MDGA2: variants seen among roughly 807,000 people sequenced by gnomAD.
MDGA2 encodes MAM domain-containing glycosylphosphatidylinositol anchor protein 2.
In MDGA2, 40 loss-of-function variants were observed where a neutral mutation model predicts 117.8. The observed-to-expected ratio is 0.34, with a 90% CI of 0.26 to 0.44. The LOEUF is 0.44. MDGA2 is among the 20% of genes least tolerant of loss of function. The probability of loss-of-function intolerance (pLI) is 1.00; values close to 1 mark genes in which losing one functional copy is unlikely to be tolerated. For synonymous variants in MDGA2, 452 were observed against 439.0 expected (o/e 1.03, Z -0.37); for missense variants, 1,123 against 1,250.6 (o/e 0.90, Z 1.54).
intron 1 of MDGA2, among the ~76,000 whole-genome samples, chr14:47,457,784 T>C (rs1448836024): frequency 1.3e-5 from 2 of 150,994 alleles, no homozygotes. Context: ...ATGATTTTCC[T>C]TCTCAGGCCA....
intron 3 of MDGA2, among the ~76,000 whole-genome samples, chr14:47,173,179 T>G (rs1057125444): frequency 3.3e-5 from 5 of 152,228 alleles, no homozygotes; most frequent in Non-Finnish European, 7.3e-5. Context: ...CTGATTGGTG[T>G]ACGTGAAAGT....
At chr14:47,035,904 C>T (rs1002126294) in intron 7 of MDGA2, among the ~76,000 whole-genome samples, 6 of 151,696 alleles carry the variant, frequency 4.0e-5, no homozygotes, top group Admixed American at 6.6e-5. Context: ...AAATAGTTTG[C>T]CATAATATTG....
intron 1 of MDGA2, among the ~76,000 whole-genome samples, chr14:47,343,490 T>C (rs1017862267): frequency 2.0e-5 from 3 of 152,210 alleles, no homozygotes; most frequent in Non-Finnish European, 4.4e-5. Context: ...ATTCATTTTG[T>C]CATTTTTCCC....
At chr14:47,626,252 A>G (rs1019236318) in intron 1 of MDGA2, 1 of 152,300 alleles carries the variant, frequency 6.6e-6, no homozygotes, top group Non-Finnish European at 1.5e-5. Flanking sequence ...ATATCATTAA[A>G]AACAGTCAAT....
chr14:46,923,657 T>G (rs1884217473), intron 9 of MDGA2, among the ~76,000 whole-genome samples: 1 of 149,436 alleles, frequency 6.7e-6, no homozygotes, highest in Non-Finnish European at 1.5e-5. Flanking sequence ...TACTTTCTAC[T>G]GAGCCTACTG....
At chr14:47,326,686 TAC>T (rs34047797) in intron 1 of MDGA2, among the ~76,000 whole-genome samples, 106 of 148,346 alleles carry the variant, frequency 7.1e-4, no homozygotes, top group Non-Finnish European at 1.1e-3. Flanking sequence ...TAAGATAGTA[TAC>T]ACACACACAC....
intron 11 of MDGA2, among the ~76,000 whole-genome samples, chr14:46,879,012 A>G (rs1181064757): frequency 6.6e-6 from 1 of 152,074 alleles, no homozygotes; most frequent in African/African-American, 2.4e-5. Flanking sequence ...TTCTTCTTTC[A>G]TTTGAACTTG....
At chr14:47,292,426 G>A (rs550061235) in intron 2 of MDGA2, among the ~76,000 whole-genome samples, 14 of 152,194 alleles carry the variant, frequency 9.2e-5, no homozygotes, top group African/African-American at 2.2e-4. Context: ...GGAAATAACC[G>A]TAGATCAATC....
chr14:47,521,672 TTTTTTA>T (rs1894870326), intron 1 of MDGA2, among the ~76,000 whole-genome samples: 6 of 152,148 alleles, frequency 3.9e-5, no homozygotes, highest in Admixed American at 3.3e-4. Context: ...CGCATGTTTG[TTTTTTA>T]TTTTTATTTT....
intron 3 of MDGA2, among the ~76,000 whole-genome samples, chr14:47,181,494 G>A (rs752446206): frequency 6.6e-6 from 1 of 152,222 alleles, no homozygotes; most frequent in Non-Finnish European, 1.5e-5. Context: ...GATGAGGCTG[G>A]AAGCCATCAT....
At chr14:47,027,056 C>T (rs1340584289) in intron 8 of MDGA2, among the ~76,000 whole-genome samples, 1 of 151,682 alleles carries the variant, frequency 6.6e-6, no homozygotes, top group East Asian at 1.9e-4. Context: ...ACCTGTAATC[C>T]CAGCTACTTG....
intron 8 of MDGA2, among the ~76,000 whole-genome samples, chr14:47,031,455 A>G (rs546857326): frequency 6.6e-6 from 1 of 152,290 alleles, no homozygotes; most frequent in East Asian, 1.9e-4. Flanking sequence ...AGATGAAATT[A>G]TACATAAATA....
chr14:47,294,365 TG>T (rs1468532861), intron 2 of MDGA2, among the ~76,000 whole-genome samples: 1 of 152,132 alleles, frequency 6.6e-6, no homozygotes, highest in Non-Finnish European at 1.5e-5. Flanking sequence ...CCCAAAGTCC[TG>T]GGATTACATG....
chr14:47,342,270 AT>A (rs1255892025), intron 1 of MDGA2, among the ~76,000 whole-genome samples: 6 of 142,348 alleles, frequency 4.2e-5, no homozygotes, highest in Non-Finnish European at 9.3e-5. Flanking sequence ...ATATATATAT[AT>A]ATATATATAT....
intron 1 of MDGA2, among the ~76,000 whole-genome samples, chr14:47,429,599 C>A (rs1324792766): frequency 1.3e-5 from 2 of 152,106 alleles, no homozygotes. Context: ...ACATTAGGTA[C>A]AATCTTCATA....
At chr14:46,932,809 CTT>C (rs879594531) in intron 9 of MDGA2, among the ~76,000 whole-genome samples, 1 of 145,834 alleles carries the variant, frequency 6.9e-6, no homozygotes. Context: ...AACATTATGT[CTT>C]TTTTTTTTTG....
intron 1 of MDGA2, among the ~76,000 whole-genome samples, chr14:47,542,800 A>T (rs1895379331): frequency 6.6e-6 from 1 of 152,228 alleles, no homozygotes; most frequent in African/African-American, 2.4e-5. Flanking sequence ...ACATTTTAGT[A>T]TTGTTTTATT....
intron 1 of MDGA2, among the ~76,000 whole-genome samples, chr14:47,563,343 T>C (rs925227043): frequency 2.0e-5 from 3 of 152,254 alleles, no homozygotes; most frequent in Non-Finnish European, 4.4e-5. Context: ...CATGCTGCAG[T>C]CTCCCACTAT....
chr14:47,196,944 C>A (rs193083145), intron 3 of MDGA2, among the ~76,000 whole-genome samples: 221 of 152,260 alleles, frequency 1.5e-3, no homozygotes, highest in Non-Finnish European at 1.0e-3. Flanking sequence ...TGTGTTAGTT[C>A]ACTTCAGATA....
Sources: allele counts gnomAD v4.1 joint callset (sites outside exome capture counted in the v4.1 genomes callset), GRCh38; gene constraint gnomAD v4.1.1; transcripts MANE v1.5; gene names NCBI Gene and HGNC (gene_info 2026-07-23, HGNC 2026-07-21).